The following PUM3 variants were observed in gnomAD, a reference collection of about 807,000 sequenced individuals.
The protein encoded by PUM3 is pumilio RNA binding family member 3.
A neutral mutation model predicts 84.0 loss-of-function variants in PUM3; 91 were observed. The observed-to-expected ratio is 1.08, with a 90% CI of 0.91 to 1.29. The LOEUF (loss-of-function observed/expected upper bound fraction) is 1.29, where lower values mean the gene tolerates loss of function less well. Ranked by LOEUF, PUM3 falls within the 50% of genes most tolerant of loss-of-function variation. The probability of loss-of-function intolerance (pLI) is 0.00; values close to 1 mark genes in which losing one functional copy is unlikely to be tolerated. For synonymous variants in PUM3, 321 were observed against 266.7 expected (o/e 1.20, Z -1.98); for missense variants, 1,067 against 767.5 (o/e 1.39, Z -4.61).
intron 15 of PUM3, 44 bp downstream of exon 15, chr9:2,811,317 G>A (rs372400343): frequency 3.8e-6 from 6 of 1,585,254 alleles, no homozygotes; most frequent in Non-Finnish European, 5.2e-6. Flanking sequence ...CGAAGTTTTT[G>A]TGGCCTTTGC....
rs747746752 is a variant in PUM3, at chr9:2,804,394, T to C, written c.1884A>G (p.Thr628=). ...TGCTGGTGCTTTTGGTTTTTTCCAA[T>C]GTAGGAATCAAGCTTTTCAGTGCAG... is the stretch of plus-strand genomic sequence containing the variant. ...VKAALKSLIP[T]LEKTKSTSKG... The change falls in exon 18 of 18, where the codon ACA becomes ACG. Residue 628 remains threonine, a synonymous_variant. Coordinates refer to ENST00000397885, the MANE Select transcript of PUM3 (RefSeq NM_014878.5). 4.3e-6 allele frequency: 7 copies of C among 1,614,048 alleles called. No homozygotes were observed. The highest frequency in any genetic ancestry group is 3.3e-5 in the South Asian group (3 of 91,076).
In PUM3 at chr9:2,829,945, A is replaced by T; in HGVS notation, c.681T>A (p.Ser227Arg). The T allele has an allele frequency of 3.7e-6, 6 of 1,605,938 alleles. No homozygotes were observed. Among genetic ancestry groups the T allele is most frequent in the Non-Finnish European group, 5.1e-6 (6 of 1,174,054 alleles). ...TGATTATCTCTGCAATCTGTGGTTT[A>T]CTTCTAAACGCAACACAATCATGGA... ...NIVKKFLMYG[S>R]KPQIAEIIRS... Residue 227 changes from serine to arginine, a missense_variant, in exon 8 of 18, where the codon AGT (serine) becomes AGA (arginine). Coordinates refer to ENST00000397885, the MANE Select transcript of PUM3 (RefSeq NM_014878.5).
Position 2,829,941 on chromosome 9 carries a change from G to GT in PUM3, c.684dup (p.Pro229ThrfsTer11). 6 of 1,610,398 alleles carry GT rather than the reference G, an allele frequency of 3.7e-6. No individual in the cohort carries two copies. Among genetic ancestry groups the GT allele is most frequent in the Non-Finnish European group, 5.1e-6 (6 of 1,177,414 alleles). On this transcript the variant is annotated frameshift_variant, in exon 8 of 18. Transcript: ENST00000397885. LOFTEE classifies it high-confidence loss of function. ...CTTCTGATTATCTCTGCAATCTGTG[G>GT]TTTACTTCTAAACGCAACACAATCA...
chr9:2,807,961 C>A, intron 16 of PUM3, 57 bp from the exon 17 acceptor site: 2 of 1,103,848 alleles, frequency 1.8e-6, no homozygotes, highest in South Asian at 1.3e-5. Context: ...TACTCCCTAC[C>A]CCCTTCTCTA....
rs757279989 is a variant in PUM3 at position 2,830,943 on chromosome 9, TATA to T, written c.677+16_677+18del. Reference sequence around the variant, plus strand: ...CAAAAGACAAAGAAAAAATGTATTTTATACATAAAACAACTTACCCATACATGA... The same window carrying T: ...CAAAAGACAAAGAAAAAATGTATTTTCATAAAACAACTTACCCATACATGA... On this transcript the variant is annotated intron_variant, in intron 7 of 17. Coordinates refer to ENST00000397885, the MANE Select transcript of PUM3 (RefSeq NM_014878.5). The T allele has an allele frequency of 1.7e-6, 2 of 1,210,650 alleles. No homozygotes were observed. The highest frequency in any genetic ancestry group is 3.0e-5 in the African/African-American group (2 of 66,520). 75.0% of individuals were successfully genotyped at this position (1,210,650 alleles called of 1,614,324 possible). A position where few individuals can be genotyped will look rare whatever the true frequency, so the allele number is the denominator to read the frequency against.
chr9:2,814,214 A>G (rs917629733), intron 13 of PUM3, among the ~76,000 whole-genome samples: 1 of 118,988 alleles, frequency 8.4e-6, no homozygotes, highest in African/African-American at 4.5e-5. Context: ...AACTCCAACT[A>G]TTTTTTTTTT....
chr9:2,837,306 G>C lies in PUM3; in HGVS notation c.178C>G (p.Leu60Val). 6.2e-7 allele frequency: 1 copy of C among 1,613,990 alleles called. No homozygotes were observed. Among genetic ancestry groups the C allele is most frequent in the African/African-American group, 1.3e-5 (1 of 75,008 alleles). Residue 60 changes from leucine to valine, a missense_variant, in exon 3 of 18, where the codon CTT becomes GTT. Physicochemically the swap from Leu to Val is conservative, Grantham distance 32 (BLOSUM62 1). Coordinates refer to ENST00000397885, the MANE Select transcript of PUM3 (RefSeq NM_014878.5). ...AACTGCTTTACACCCTTTTTCCCAA[G>C]TTTTGTGATACTTTTCTCAAAGTTC... ...SRNFEKSITK[L>V]GKKGVKQFKN...
Position 2,827,062 on chromosome 9 carries a change from C to G in PUM3, c.1035+11G>C, listed in dbSNP as rs750968292. The stretch of plus-strand genomic sequence containing the variant: ...CATGTTTTAGTTTAAAAACAAAAAC[C>G]AAGAACTTACTGATCTGAGTTTGGG... On this transcript the variant is annotated intron_variant, in intron 10 of 17. Transcript: ENST00000397885. 1.2e-6 allele frequency: 2 copies of G among 1,601,330 alleles called. No homozygotes were observed. The highest frequency in any genetic ancestry group is 1.7e-6 in the Non-Finnish European group (2 of 1,174,596).
intron 11 of PUM3, 93 bp downstream of exon 11, chr9:2,824,624 G>C: frequency 1.4e-6 from 1 of 732,088 alleles, no homozygotes; most frequent in Non-Finnish European, 1.9e-6. Flanking sequence ...AGACCAAAGG[G>C]GGTTAAAAGT....
At position 2,817,115 on chromosome 9, in the gene PUM3, T is replaced by C. The variant is rs149880281; in HGVS notation, c.1269+2903A>G. ...GAAACTTAACATGTACCCAAGGAAA[T>C]ATACACAAGAATGTTCAAGGATTTG... On this transcript the variant is annotated intron_variant, in intron 13 of 17. Coordinates refer to ENST00000397885, the MANE Select transcript of PUM3 (RefSeq NM_014878.5). 9.9e-3 allele frequency among the ~76,000 whole-genome samples: 1,514 copies of C among 152,264 alleles called. 20 individuals carry two copies. The highest frequency in any genetic ancestry group is 0.037 in the Middle Eastern group (11 of 294).
intron 5 of PUM3, among the ~76,000 whole-genome samples, chr9:2,832,351 A>G (rs1816005927): frequency 6.6e-6 from 1 of 152,210 alleles, no homozygotes; most frequent in South Asian, 2.1e-4. Context: ...GGAACTCGCT[A>G]TCTCTATTAC....
rs777032440 is a variant in PUM3 at position 2,837,267 on chromosome 9, G to T, written c.217C>A (p.Gln73Lys). The change falls in exon 3 of 18, where the codon CAA becomes AAA. Residue 73 changes from glutamine (Q) to lysine (K), a missense_variant. Physicochemically the swap from Gln to Lys is moderately conservative, Grantham distance 53. Coordinates refer to ENST00000397885, the MANE Select transcript of PUM3 (RefSeq NM_014878.5). ...KGVKQFKNKQ[Q>K]GDKSPKNKFQ... ...TTGTTCTTTGGTGATTTGTCCCCTTGCTGCTTATTCTTGAACTGCTTTACA... is the reference window on the plus strand; with the variant it reads ...TTGTTCTTTGGTGATTTGTCCCCTTTCTGCTTATTCTTGAACTGCTTTACA... 1 of 1,614,040 alleles carries T rather than the reference G, an allele frequency of 6.2e-7. No homozygotes were observed. Among genetic ancestry groups the T allele is most frequent in the South Asian group, 1.1e-5 (1 of 91,076 alleles).
At chr9:2,818,280 AGG>A (rs1821515591) in intron 13 of PUM3, among the ~76,000 whole-genome samples, 1 of 152,246 alleles carries the variant, frequency 6.6e-6, no homozygotes, top group African/African-American at 2.4e-5. Flanking sequence ...TCGGCAAATC[AGG>A]CCATTCAGGG....
At chr9:2,843,735 T>C (rs375111890) in intron 1 of PUM3, among the ~76,000 whole-genome samples, 24 of 151,818 alleles carry the variant, frequency 1.6e-4, no homozygotes, top group African/African-American at 2.7e-4. Context: ...CCCGCCACCA[T>C]GCCCGGCTAA....
rs778197589 is a variant in PUM3 at position 2,824,896 on chromosome 9, C to G, written c.1036-81G>C. 5.6e-5 allele frequency: 50 copies of G among 890,530 alleles called. No individual in the cohort carries two copies. In the Middle Eastern group the frequency reaches 1.6e-3, roughly 29 times the overall value. 55.2% of individuals were successfully genotyped at this position (890,530 alleles called of 1,614,324 possible). On this transcript the variant is annotated intron_variant, in intron 10 of 17. Transcript: ENST00000397885. Reference sequence around the variant, plus strand: ...GTTTTATCTGTCTGTCTACAGGGGGCAGTTATGCAGAGAGAAGGAAAGGAA... The same window carrying G: ...GTTTTATCTGTCTGTCTACAGGGGGGAGTTATGCAGAGAGAAGGAAAGGAA...
At chr9:2,826,262 A>G (rs1815817392) in intron 10 of PUM3, among the ~76,000 whole-genome samples, 1 of 152,146 alleles carries the variant, frequency 6.6e-6, no homozygotes, top group Non-Finnish European at 1.5e-5. Context: ...TCAAATAATC[A>G]TTGTGTCATT....
chr9:2,808,324 A>G (rs1430476288), intron 16 of PUM3, among the ~76,000 whole-genome samples: 1 of 152,254 alleles, frequency 6.6e-6, no homozygotes, highest in Non-Finnish European at 1.5e-5. Flanking sequence ...ACAAGGTGCC[A>G]TGAACATAAC....
At chr9:2,810,152 T>G (rs2129790266) in intron 16 of PUM3, among the ~76,000 whole-genome samples, 192 bp downstream of exon 16, 1 of 152,052 alleles carries the variant, frequency 6.6e-6, no homozygotes, top group East Asian at 1.9e-4. Context: ...TTAAAAGAGT[T>G]CTCAGGCACA....
intron 13 of PUM3, among the ~76,000 whole-genome samples, chr9:2,819,686 T>C (rs928977019): frequency 6.6e-6 from 1 of 152,210 alleles, no homozygotes; most frequent in Non-Finnish European, 1.5e-5. Flanking sequence ...TAGTTTCTGA[T>C]CATATCTAAA....
Sources: allele counts gnomAD v4.1 joint callset (sites outside exome capture counted in the v4.1 genomes callset), GRCh38; gene constraint gnomAD v4.1.1; transcripts MANE v1.5; gene names NCBI Gene and HGNC (gene_info 2026-07-23, HGNC 2026-07-21).